Variants in C8orf89 observed in about 807,000 individuals in gnomAD.
C8orf89 encodes putative uncharacterized protein C8orf89.
A neutral mutation model predicts 15.8 loss-of-function variants in C8orf89; 14 were observed. The observed-to-expected ratio is 0.89, with a 90% confidence interval of 0.59 to 1.39. The LOEUF (loss-of-function observed/expected upper bound fraction) is 1.39. Among genes scored for constraint, C8orf89 ranks in the 40% most tolerant of loss-of-function variants. The pLI is 0.00. For synonymous variants in C8orf89, 55 were observed against 62.2 expected (o/e 0.88, Z 0.54); for missense variants, 181 against 184.5 (o/e 0.98, Z 0.11).
At chr8:73,268,049 G>A in the C8orf89 span, among the ~76,000 whole-genome samples, 4 of 152,282 alleles carry the variant, frequency 2.6e-5, no homozygotes, top group South Asian at 2.1e-4. Flanking sequence ...ATGGCATCGC[G>A]GGGATACAAT....
the C8orf89 span, among the ~76,000 whole-genome samples, chr8:73,268,228 C>T: frequency 6.8e-4 from 103 of 152,168 alleles, no homozygotes; most frequent in East Asian, 0.019. Flanking sequence ...GCCTGTAATC[C>T]CAGCACTTTG....
At chr8:73,244,419 A>T (rs1451299711) in intron 3 of C8orf89, among the ~76,000 whole-genome samples, 1 of 152,236 alleles carries the variant, frequency 6.6e-6, no homozygotes, top group African/African-American at 2.4e-5. Flanking sequence ...TCAAAGTTCC[A>T]ATCACTACGT....
chr8:73,265,945 T>C, the C8orf89 span, among the ~76,000 whole-genome samples: 2 of 152,206 alleles, frequency 1.3e-5, no homozygotes, highest in African/African-American at 4.8e-5. Context: ...GTTCGTTTTA[T>C]CTCTTACATA....
At chr8:73,254,164 G>A (rs1173883828) in intron 2 of C8orf89, among the ~76,000 whole-genome samples, 1 of 152,074 alleles carries the variant, frequency 6.6e-6, no homozygotes, top group Non-Finnish European at 1.5e-5. Flanking sequence ...TTTTGTCAAA[G>A]GCCGTTTCTG....
chr8:73,254,530 G>A (rs375129192), intron 2 of C8orf89, among the ~76,000 whole-genome samples: 3 of 152,266 alleles, frequency 2.0e-5, no homozygotes, highest in African/African-American at 4.8e-5. Context: ...CACAGGAACT[G>A]GGAGTGGCAA....
chr8:73,278,412 A>G, the C8orf89 span, among the ~76,000 whole-genome samples: 6 of 152,070 alleles, frequency 3.9e-5, no homozygotes, highest in Non-Finnish European at 8.8e-5. Context: ...AAAAACCACC[A>G]CAAGTGCCTC....
chr8:73,246,928 A>G (rs1208103981), intron 3 of C8orf89, among the ~76,000 whole-genome samples: 1 of 152,248 alleles, frequency 6.6e-6, no homozygotes, highest in African/African-American at 2.4e-5. Flanking sequence ...GGAGGTGTTC[A>G]GTTAACTCCA....
At chr8:73,264,332 G>A (rs1813581282), upstream of C8orf89, among the ~76,000 whole-genome samples, 1 of 152,166 alleles carries the variant, frequency 6.6e-6, no homozygotes, top group Non-Finnish European at 1.5e-5. Flanking sequence ...CAGGAGACTA[G>A]GAAAGCATCA....
At chr8:73,247,838 T>C (rs969687406) in intron 3 of C8orf89, among the ~76,000 whole-genome samples, 2 of 152,240 alleles carry the variant, frequency 1.3e-5, no homozygotes, top group Admixed American at 6.5e-5. Context: ...TGCTGGATAT[T>C]AGACCTTTGT....
chr8:73,284,402 C>T, the C8orf89 span, among the ~76,000 whole-genome samples: 3 of 151,714 alleles, frequency 2.0e-5, no homozygotes, highest in Non-Finnish European at 2.9e-5. Flanking sequence ...TTAGTGGAGA[C>T]GGGGTTTCAC....
chr8:73,243,224 G>A (rs1813045353), intron 3 of C8orf89, among the ~76,000 whole-genome samples: 1 of 152,072 alleles, frequency 6.6e-6, no homozygotes, highest in South Asian at 2.1e-4. Flanking sequence ...TACAAAGAAT[G>A]AATAAGAACA....
chr8:73,255,211 C>G (rs1276691525), intron 2 of C8orf89, among the ~76,000 whole-genome samples: 2 of 151,988 alleles, frequency 1.3e-5, no homozygotes, highest in Non-Finnish European at 2.9e-5. Context: ...ATTTTTGCAA[C>G]CTACTCGTCT....
upstream of C8orf89, among the ~76,000 whole-genome samples, chr8:73,261,736 A>G (rs537738142): frequency 3.6e-4 from 55 of 152,328 alleles, no homozygotes; most frequent in South Asian, 3.9e-3. Context: ...GCTACAGAGC[A>G]CAGGTGAAGA....
chr8:73,248,744 C>A (rs1443591183), intron 3 of C8orf89, among the ~76,000 whole-genome samples: 1 of 152,052 alleles, frequency 6.6e-6, no homozygotes, highest in Non-Finnish European at 1.5e-5. Flanking sequence ...CTTGGCTTGA[C>A]TGTTGTTGGT....
chr8:73,284,495 G>A, the C8orf89 span, among the ~76,000 whole-genome samples: 1 of 152,104 alleles, frequency 6.6e-6, no homozygotes, highest in Admixed American at 6.5e-5. Context: ...TTACAGGCGT[G>A]TGCCACCATG....
chr8:73,257,205 T>A, intron 1 of C8orf89, 79 bp from the exon 2 acceptor site: 1 of 879,370 alleles, frequency 1.1e-6, no homozygotes, highest in South Asian at 2.3e-5. Context: ...CATAATAAAA[T>A]ACACAAAATC....
chr8:73,263,026 C>A (rs7016621), upstream of C8orf89, among the ~76,000 whole-genome samples: 922 of 151,894 alleles, frequency 6.1e-3, 8 homozygotes, highest in African/African-American at 0.02. Flanking sequence ...CACACACACA[C>A]GTAGGAAGAG....
chr8:73,271,625 C>T, the C8orf89 span, among the ~76,000 whole-genome samples: 1 of 152,180 alleles, frequency 6.6e-6, no homozygotes, highest in African/African-American at 2.4e-5. Flanking sequence ...TTATAAATTA[C>T]CCAGCCTCAG....
At position 73,257,125 on chromosome 8, in the gene C8orf89, T is replaced by C; in HGVS notation, c.129A>G (p.Glu43=). 1 of 1,524,268 alleles carries C rather than the reference T, an allele frequency of 6.6e-7. No homozygotes were observed. The highest frequency in any genetic ancestry group is 1.2e-5 in the South Asian group (1 of 82,004). The allele number at this position is 1,524,268 out of a possible 1,614,324, so 94.4% of individuals were successfully genotyped here. ...AVLETQKIKK[E]YTTAFGLEEL... Reference sequence around the variant, plus strand: ...CTTCTAGACCAAATGCTGTGGTATATTCTGGTTAAAAATATATAAGAATCA... The same window carrying C: ...CTTCTAGACCAAATGCTGTGGTATACTCTGGTTAAAAATATATAAGAATCA... The change falls in exon 2 of 4, where the codon GAA becomes GAG. Residue 43 remains glutamate, a splice_region_variant and synonymous_variant. Coordinates refer to ENST00000624510, the MANE Select transcript of C8orf89 (RefSeq NM_001243237.3).
Sources: gnomAD v4.1 joint callset for allele counts (sites outside exome capture counted in the v4.1 genomes callset) on GRCh38, gnomAD v4.1.1 for gene constraint, MANE v1.5 for transcripts, NCBI Gene and HGNC (gene_info 2026-07-23, HGNC 2026-07-21) for gene names.